PTPN9: variants seen among roughly 807,000 people sequenced by gnomAD.
PTPN9 encodes the protein protein tyrosine phosphatase non-receptor type 9, also known as tyrosine-protein phosphatase non-receptor type 9.
PTPN9 carries 26 observed loss-of-function variants against 69.8 expected under a neutral mutation model. The ratio of observed to expected loss-of-function variants is 0.37; its 90% CI spans 0.27 to 0.52. PTPN9 has a LOEUF of 0.52. Among genes scored for constraint, PTPN9 ranks in the 20% least tolerant of loss-of-function variants. The probability of loss-of-function intolerance (pLI) is 0.91; values close to 1 mark genes in which losing one functional copy is unlikely to be tolerated. For missense variants in PTPN9, 549 were observed against 740.3 expected, an observed-to-expected ratio of 0.74 and a Z score of 3.00; for synonymous variants, 274 against 272.5, an observed-to-expected ratio of 1.01 and a Z score of -0.05.
chr15:75,512,428 G>A (rs1160928519), intron 5 of PTPN9, among the ~76,000 whole-genome samples: 1 of 152,022 alleles, frequency 6.6e-6, no homozygotes. Context: ...CCTGGCCTTA[G>A]GCAATTCTCC....
intron 1 of PTPN9, among the ~76,000 whole-genome samples, chr15:75,577,419 T>A (rs1450863357): frequency 6.6e-6 from 1 of 152,200 alleles, no homozygotes; most frequent in Admixed American, 6.6e-5. Context: ...AGGGTCTGAC[T>A]AGCATTTTAT....
At chr15:75,511,648 T>C (rs1473082175) in intron 5 of PTPN9, among the ~76,000 whole-genome samples, 1 of 152,148 alleles carries the variant, frequency 6.6e-6, no homozygotes, top group East Asian at 1.9e-4. Flanking sequence ...TGTTTTGTTT[T>C]CCACCTTTAC....
At chr15:75,504,056 C>A (rs1595955213) in intron 7 of PTPN9, among the ~76,000 whole-genome samples, 2 of 123,160 alleles carry the variant, frequency 1.6e-5, no homozygotes, top group Non-Finnish European at 1.8e-5. Flanking sequence ...GCCCGGCCAG[C>A]CGACCCGTCC....
intron 5 of PTPN9, among the ~76,000 whole-genome samples, chr15:75,516,370 C>G: frequency 6.8e-6 from 1 of 146,918 alleles, no homozygotes; most frequent in African/African-American, 2.5e-5. Context: ...GTGGCACGAT[C>G]TTGGCTCACT....
At chr15:75,477,923 C>T (rs1468529953) in intron 9 of PTPN9, among the ~76,000 whole-genome samples, 1 of 150,804 alleles carries the variant, frequency 6.6e-6, no homozygotes, top group African/African-American at 2.4e-5. Context: ...CCACTGCAAC[C>T]TCTGCCTCCC....
chr15:75,562,408 G>GGT (rs974015432), intron 1 of PTPN9, among the ~76,000 whole-genome samples: 1 of 152,098 alleles, frequency 6.6e-6, no homozygotes, highest in Admixed American at 6.6e-5. Flanking sequence ...CTATCTCTGG[G>GGT]GTGTGTGTGT....
At chr15:75,514,515 G>A (rs1290949416) in intron 5 of PTPN9, among the ~76,000 whole-genome samples, 3 of 152,178 alleles carry the variant, frequency 2.0e-5, no homozygotes, top group Non-Finnish European at 2.9e-5. Flanking sequence ...GGAGGTGGAG[G>A]TTGCAGTGAG....
intron 1 of PTPN9, among the ~76,000 whole-genome samples, chr15:75,562,187 T>TC (rs1198394842): frequency 1.3e-5 from 2 of 152,176 alleles, no homozygotes; most frequent in Non-Finnish European, 2.9e-5. Context: ...GAGCAGACCT[T>TC]CTATTCTGAG....
rs1316468540 is a variant in PTPN9, at chr15:75,468,762, A to G, written c.*7T>C. On this transcript the variant is annotated 3_prime_UTR_variant, in exon 13 of 13. Coordinates refer to ENST00000618819, the MANE Select transcript of PTPN9 (RefSeq NM_002833.4). ...GCTGGCCAACAGGTAGGAGGTTCGT[A>G]GGAGAGTTACTGACTCTCCACGGCC... 1 of 1,612,310 alleles carries G rather than the reference A, an allele frequency of 6.2e-7. No homozygotes were observed. Among genetic ancestry groups the G allele is most frequent in the Non-Finnish European group, 8.5e-7 (1 of 1,178,972 alleles).
chr15:75,515,243 T>C (rs942226814), intron 5 of PTPN9, among the ~76,000 whole-genome samples: 7 of 150,794 alleles, frequency 4.6e-5, no homozygotes, highest in Admixed American at 1.3e-4. Context: ...TTGGCTAACA[T>C]GGTGAAACCC....
chr15:75,537,127 G>A (rs12438910), intron 1 of PTPN9, among the ~76,000 whole-genome samples: 20 of 151,704 alleles, frequency 1.3e-4, no homozygotes, highest in Admixed American at 3.9e-4. Context: ...CAAGGCAGGC[G>A]GATCACCTGA....
intron 8 of PTPN9, among the ~76,000 whole-genome samples, chr15:75,485,269 A>T (rs2074667600): frequency 1.3e-5 from 2 of 152,184 alleles, no homozygotes; most frequent in African/African-American, 4.8e-5. Context: ...GGAAAAGCAC[A>T]AAAGATTTAC....
At chr15:75,513,187 G>A (rs572463631) in intron 5 of PTPN9, 23 of 447,180 alleles carry the variant, frequency 5.1e-5, no homozygotes, top group African/African-American at 1.4e-4. Context: ...AAAAAGAGAC[G>A]TAATAGCTTC....
At chr15:75,521,388 C>G (rs943161138) in intron 4 of PTPN9, among the ~76,000 whole-genome samples, 1 of 151,508 alleles carries the variant, frequency 6.6e-6, no homozygotes. Context: ...GGAGTCGGAG[C>G]TTGCAGCGAG....
intron 1 of PTPN9, among the ~76,000 whole-genome samples, chr15:75,530,687 T>TAATATATATTATTA (rs59241994): frequency 6.4e-5 from 3 of 46,842 alleles, no homozygotes; most frequent in African/African-American, 3.2e-4. Flanking sequence ...TATTATTATA[T>TAATATATATTATTA]TATAATATAT....
intron 9 of PTPN9, among the ~76,000 whole-genome samples, chr15:75,474,030 C>A (rs1391420097): frequency 6.6e-6 from 1 of 152,040 alleles, no homozygotes; most frequent in East Asian, 1.9e-4. Context: ...TGCTACATAC[C>A]CTCTCAGAGT....
At chr15:75,539,478 G>C (rs1489725902) in intron 1 of PTPN9, among the ~76,000 whole-genome samples, 1 of 148,676 alleles carries the variant, frequency 6.7e-6, no homozygotes, top group South Asian at 2.1e-4. Flanking sequence ...TACTTTTTGT[G>C]TGTGTTTTTA....
intron 4 of PTPN9, among the ~76,000 whole-genome samples, chr15:75,520,521 T>C (rs1048946479): frequency 2.0e-5 from 3 of 151,832 alleles, no homozygotes; most frequent in African/African-American, 4.8e-5. Context: ...TATATACATA[T>C]ACTTTTTTTT....
At chr15:75,524,880 A>G (rs980445699) in intron 2 of PTPN9, among the ~76,000 whole-genome samples, 5 of 151,654 alleles carry the variant, frequency 3.3e-5, no homozygotes, top group Non-Finnish European at 7.4e-5. Context: ...CCAGTCAAGC[A>G]TTTTCGGAAT....
Sources: gnomAD v4.1 joint callset for allele counts (sites outside exome capture counted in the v4.1 genomes callset) on GRCh38, gnomAD v4.1.1 for gene constraint, MANE v1.5 for transcripts, NCBI Gene and HGNC (gene_info 2026-07-23, HGNC 2026-07-21) for gene names.